The following NEU4 variants were observed in gnomAD, a reference collection of about 807,000 sequenced individuals.
The protein encoded by NEU4 is neuraminidase 4, also known as sialidase-4.
In NEU4, 7 loss-of-function variants were observed where a neutral mutation model predicts 9.9. That is an observed-to-expected ratio of 0.71 (90% CI 0.40 to 1.33). NEU4 has a LOEUF of 1.33. Ranked by LOEUF, NEU4 falls within the 40% of genes most tolerant of loss-of-function variation. The pLI, the probability that NEU4 is intolerant of heterozygous loss-of-function variation, is 0.01. For synonymous variants in NEU4, 348 were observed against 316.9 expected, an observed-to-expected ratio of 1.10 and a Z score of -1.04; for missense variants, 717 against 712.6, an observed-to-expected ratio of 1.01 and a Z score of -0.07.
chr2:241,815,205 G>T, intron 3 of NEU4, 58 bp downstream of exon 3: 2 of 1,475,132 alleles, frequency 1.4e-6, no homozygotes, highest in African/African-American at 1.4e-5. Flanking sequence ...CACATGGAAG[G>T]GAGATTCCAG....
chr2:241,814,558 C>G lies in NEU4; in HGVS notation c.74C>G (p.Pro25Arg). Reference sequence around the variant, plus strand: ...AGGACGGGCCTGACCTACCGCGTGCCCTCGCTGCTCCCCGTGCCCCCCGGG... The same window carrying G: ...AGGACGGGCCTGACCTACCGCGTGCGCTCGCTGCTCCCCGTGCCCCCCGGG... ...RERTGLTYRV[P>R]SLLPVPPGPT... The change falls in exon 2 of 4, where the codon CCC (proline) becomes CGC (arginine). Residue 25 changes from proline to arginine, a missense_variant. Pro to Arg is a moderately radical substitution (Grantham distance 103). Coordinates refer to ENST00000407683, the MANE Select transcript of NEU4 (RefSeq NM_001167600.3). 1 of 1,612,630 alleles carries G rather than the reference C, an allele frequency of 6.2e-7. No homozygotes were observed. The highest frequency in any genetic ancestry group is 8.5e-7 in the Non-Finnish European group (1 of 1,179,904).
rs757300279 is a variant in NEU4, at chr2:241,816,083, G to A, written c.490G>A (p.Gly164Ser). ...WATFAVGPGH[G>S]VQLPSGRLLV... is the part of the protein sequence containing the mutation. ...CACATTCGCTGTGGGTCCCGGCCAC[G>A]GTGTGCAGCTGCCCTCAGGCCGCCT... Residue 164 changes from glycine (G) to serine (S), a missense_variant, in exon 4 of 4, where the codon GGT (glycine) becomes AGT (serine). Coordinates refer to ENST00000407683, the MANE Select transcript of NEU4 (RefSeq NM_001167600.3). The A allele has an allele frequency of 4.5e-5, 72 of 1,609,406 alleles. No homozygotes were observed. Among genetic ancestry groups the A allele is most frequent in the Non-Finnish European group, 5.8e-5 (68 of 1,178,656 alleles).
intron 3 of NEU4, 112 bp from the exon 4 acceptor site, chr2:241,815,939 T>C (rs1700310111): frequency 8.3e-6 from 9 of 1,081,604 alleles, no homozygotes; most frequent in East Asian, 7.8e-5. Flanking sequence ...CAGAGTGCGA[T>C]GGTCCTAACC....
At chr2:241,813,013 G>A (rs909703834) in intron 1 of NEU4, among the ~76,000 whole-genome samples, 5 of 152,208 alleles carry the variant, frequency 3.3e-5, no homozygotes, top group African/African-American at 4.8e-5. Context: ...TCTTGGGGAC[G>A]GAAGCTGCTC....
intron 1 of NEU4, chr2:241,813,790 TC>T: frequency 3.4e-6 from 1 of 295,906 alleles, no homozygotes; most frequent in Non-Finnish European, 7.0e-6. Context: ...TGGCTGTGGC[TC>T]CCCCGATGAC....
At chr2:241,811,318 C>G in intron 1 of NEU4, 1 of 1,341,980 alleles carries the variant, frequency 7.5e-7, no homozygotes, top group Middle Eastern at 2.1e-4. Context: ...GCCGTGCCAC[C>G]GTGGGAGTGT....
intron 2 of NEU4, 79 bp downstream of exon 2, chr2:241,814,764 G>T: frequency 6.6e-7 from 1 of 1,506,142 alleles, no homozygotes; most frequent in Non-Finnish European, 8.9e-7. Context: ...TGGGGCGGGG[G>T]TGGCGGCGGC....
intron 3 of NEU4, 109 bp downstream of exon 3, chr2:241,815,256 A>G: frequency 3.0e-6 from 4 of 1,332,562 alleles, no homozygotes; most frequent in Non-Finnish European, 4.0e-6. Flanking sequence ...CTCCAGCCAC[A>G]AGGGAACCAA....
chr2:241,813,970 C>CCCG (rs1700209600), intron 1 of NEU4: 89 of 305,212 alleles, frequency 2.9e-4, no homozygotes, highest in East Asian at 2.3e-3. Flanking sequence ...CCGTGGCTCC[C>CCCG]ACAGGTCCCT....
intron 3 of NEU4, 131 bp downstream of exon 3, chr2:241,815,278 C>T: frequency 8.1e-7 from 1 of 1,234,292 alleles, no homozygotes; most frequent in Non-Finnish European, 1.1e-6. Context: ...CATCCCTTTC[C>T]CCAGGACTGT....
At position 241,816,119 on chromosome 2, in the gene NEU4, G is replaced by A. The variant is rs771497956; in HGVS notation, c.526G>A (p.Ala176Thr). The change falls in exon 4 of 4, where the codon GCC (alanine) becomes ACC (threonine). Residue 176 changes from alanine (A) to threonine (T), a missense_variant. Ala to Thr is a moderately conservative substitution (Grantham distance 58, BLOSUM62 0). Transcript: ENST00000407683. ...QLPSGRLLVP[A>T]YTYRVDRREC... ...GCCCTCAGGCCGCCTGCTGGTACCC[G>A]CCTACACCTACCGCGTGGACCGCCG... The A allele has an allele frequency of 2.5e-5, 40 of 1,611,442 alleles. No individual in the cohort carries two copies. Among genetic ancestry groups the A allele is most frequent in the Admixed American group, 3.3e-5 (2 of 59,868 alleles).
In NEU4 at chr2:241,816,236, G is replaced by C. The variant is rs1399521942; in HGVS notation, c.643G>C (p.Val215Leu). Residue 215 changes from valine (V) to leucine (L), a missense_variant, in exon 4 of 4, where the codon GTG (valine) becomes CTG (leucine). Val to Leu is a conservative substitution (Grantham distance 32). Coordinates refer to ENST00000407683, the MANE Select transcript of NEU4 (RefSeq NM_001167600.3). ...CCGCACCTGGCGCTGTGGAGGCCTC[G>C]TGCCCAACCTGCGCTCAGGCGAGTG... is the stretch of plus-strand genomic sequence containing the variant. ...HGRTWRCGGL[V>L]PNLRSGECQL... The C allele has an allele frequency of 6.2e-7, 1 of 1,611,246 alleles. No individual in the cohort carries two copies. Among genetic ancestry groups the C allele is most frequent in the Middle Eastern group, 1.7e-4 (1 of 6,058 alleles).
In NEU4 at chr2:241,816,689, A is replaced by G; in HGVS notation, c.1096A>G (p.Met366Val). Residue 366 changes from methionine (M) to valine (V), a missense_variant, in exon 4 of 4, where the codon ATG becomes GTG. By Grantham distance (21) the Met-to-Val change is conservative. Coordinates refer to ENST00000407683, the MANE Select transcript of NEU4 (RefSeq NM_001167600.3). ...GGGGTCCTGGACCCTGGCACTCCCC[A>G]TGCCCTTTGCTGCCCCGCCCCAGAG... ...DVGSWTLALP[M>V]PFAAPPQSPT... The G allele has an allele frequency of 1.3e-6, 2 of 1,531,520 alleles. No homozygotes were observed. Among genetic ancestry groups the G allele is most frequent in the Non-Finnish European group, 1.8e-6 (2 of 1,142,356 alleles). 94.9% of individuals were successfully genotyped at this position (1,531,520 alleles called of 1,614,324 possible).
rs550505858 is a variant in NEU4 at position 241,809,405 on chromosome 2, G to A, written c.-4+131G>A. The A allele has an allele frequency of 2.8e-4, 121 of 433,922 alleles. 1 individual carries two copies. The highest frequency in any genetic ancestry group is 1.2e-3 in the South Asian group (63 of 52,538). 26.9% of individuals were successfully genotyped at this position (433,922 alleles called of 1,614,324 possible). A position where few individuals can be genotyped will look rare whatever the true frequency, so the allele number is the denominator to read the frequency against. ...GAAGGGGCGGTTAAAATGCTGCCAC[G>A]TCGTGCAGCCCATAAAAGGGGGACA... On this transcript the variant is annotated intron_variant, in intron 1 of 3. Coordinates refer to ENST00000407683, the MANE Select transcript of NEU4 (RefSeq NM_001167600.3).
rs1575375367 is a variant in NEU4, at chr2:241,809,369, C to T, written c.-4+95C>T. 3 of 628,804 alleles carry T rather than the reference C, an allele frequency of 4.8e-6. No homozygotes were observed. The Admixed American group carries it at 8.1e-5, about 17-fold the overall frequency. 39.0% of individuals were successfully genotyped at this position (628,804 alleles called of 1,614,324 possible). On this transcript the variant is annotated intron_variant, in intron 1 of 3. Coordinates refer to ENST00000407683, the MANE Select transcript of NEU4 (RefSeq NM_001167600.3). ...GAGTGTTGAGAACAGCCTGTCCGGG[C>T]TGTGCATTGAGAAGGGGCGGTTAAA...
chr2:241,815,558 TGAG>T, intron 3 of NEU4: 1 of 502,448 alleles, frequency 2.0e-6, no homozygotes, highest in Non-Finnish European at 4.0e-6. Flanking sequence ...GGCTGGACGC[TGAG>T]GTGTCTCTCA....
At chr2:241,814,146 AG>A (rs1700216741) in intron 1 of NEU4, 2 of 624,952 alleles carry the variant, frequency 3.2e-6, no homozygotes, top group Non-Finnish European at 6.1e-6. Context: ...CATGGCTGGC[AG>A]GGTCCCGGGG....
chr2:241,815,222 A>G, intron 3 of NEU4, 75 bp downstream of exon 3: 1 of 1,453,062 alleles, frequency 6.9e-7, no homozygotes, highest in Non-Finnish European at 9.1e-7. Flanking sequence ...CCAGCGGGAA[A>G]TTGCCATTCT....
chr2:241,814,501 C>T lies in NEU4; in HGVS notation c.17C>T (p.Thr6Ile). 6.2e-7 allele frequency: 1 copy of T among 1,611,158 alleles called. No homozygotes were observed. Reference protein sequence around the residue: MGVPRTPSRTVLFERE... With the variant: MGVPRIPSRTVLFERE... ...CAGCAGAGCATGGGGGTCCCTCGTACCCCTTCACGGACAGTGCTCTTCGAG... is the reference window on the plus strand; with the variant it reads ...CAGCAGAGCATGGGGGTCCCTCGTATCCCTTCACGGACAGTGCTCTTCGAG... Residue 6 changes from threonine to isoleucine, a missense_variant, in exon 2 of 4, where the codon ACC becomes ATC. Physicochemically the swap from Thr to Ile is moderately conservative, Grantham distance 89. Transcript: ENST00000407683.
Sources: gnomAD v4.1 joint callset for allele counts (sites outside exome capture counted in the v4.1 genomes callset) on GRCh38, gnomAD v4.1.1 for gene constraint, MANE v1.5 for transcripts, NCBI Gene and HGNC (gene_info 2026-07-23, HGNC 2026-07-21) for gene names.